The following DNM3 variants were observed in gnomAD, a reference collection of about 807,000 sequenced individuals.
DNM3 encodes the protein dynamin-3.
Under a neutral mutation model 101.6 loss-of-function variants are expected in DNM3, and 47 were observed. That is an observed-to-expected ratio of 0.46 (90% CI 0.37 to 0.59). DNM3 has a LOEUF of 0.59. DNM3 is among the 20% of genes least tolerant of loss of function. The probability of loss-of-function intolerance (pLI) is 0.00; values close to 1 mark genes in which losing one functional copy is unlikely to be tolerated. For missense variants in DNM3, 849 were observed against 1,085.7 expected, an observed-to-expected ratio of 0.78 and a Z score of 3.06; for synonymous variants, 385 against 387.9, an observed-to-expected ratio of 0.99 and a Z score of 0.09.
At chr1:171,968,030 G>C (rs1240344796) in intron 2 of DNM3, among the ~76,000 whole-genome samples, 1 of 152,140 alleles carries the variant, frequency 6.6e-6, no homozygotes, top group Non-Finnish European at 1.5e-5. Flanking sequence ...AGTGGGCACA[G>C]AGGAAGCCTT....
At chr1:172,063,603 C>T (rs2051418043) in intron 10 of DNM3, among the ~76,000 whole-genome samples, 1 of 151,408 alleles carries the variant, frequency 6.6e-6, no homozygotes, top group African/African-American at 2.4e-5. Flanking sequence ...TCCATTGAAT[C>T]TTCTTTATTA....
chr1:171,850,197 C>T (rs1481746410), intron 1 of DNM3, among the ~76,000 whole-genome samples: 1 of 152,182 alleles, frequency 6.6e-6, no homozygotes, highest in Non-Finnish European at 1.5e-5. Flanking sequence ...AAAAGAAGTA[C>T]CAACATTTTT....
chr1:172,126,872 C>T (rs2056652581), intron 13 of DNM3, among the ~76,000 whole-genome samples: 1 of 152,106 alleles, frequency 6.6e-6, no homozygotes, highest in Non-Finnish European at 1.5e-5. Flanking sequence ...AACATCGTTA[C>T]ACTTCTGTAC....
chr1:172,246,615 G>A (rs2061964594), intron 14 of DNM3, among the ~76,000 whole-genome samples: 1 of 152,146 alleles, frequency 6.6e-6, no homozygotes, highest in African/African-American at 2.4e-5. Context: ...AACGTTCTGT[G>A]TGGAAAATGA....
chr1:172,384,270 G>A (rs749426900), intron 18 of DNM3, among the ~76,000 whole-genome samples: 3 of 152,024 alleles, frequency 2.0e-5, no homozygotes, highest in South Asian at 2.1e-4. Context: ...TAACTATGTC[G>A]CTTGATACCT....
chr1:171,903,561 G>GA (rs2038561435), intron 1 of DNM3, among the ~76,000 whole-genome samples: 1 of 152,130 alleles, frequency 6.6e-6, no homozygotes, highest in Non-Finnish European at 1.5e-5. Context: ...TTTTACAAAG[G>GA]AAAGTACAGG....
At chr1:172,093,786 G>A (rs1401444080) in intron 13 of DNM3, 1 of 1,545,110 alleles carries the variant, frequency 6.5e-7, no homozygotes, top group African/African-American at 1.4e-5. Flanking sequence ...CAAGGGCACA[G>A]TTTGTCTTTA....
chr1:172,177,319 T>G (rs990127117), intron 14 of DNM3, among the ~76,000 whole-genome samples: 1 of 151,796 alleles, frequency 6.6e-6, no homozygotes, highest in Non-Finnish European at 1.5e-5. Context: ...TTGTTATTAT[T>G]GTTCTATTTT....
At position 172,408,507 on chromosome 1, in the gene DNM3, A is replaced by T. The variant is rs1177248379; in HGVS notation, c.*666A>T. 1.0e-6 allele frequency: 1 copy of T among 985,372 alleles called. No individual in the cohort carries two copies. Among genetic ancestry groups the T allele is most frequent in the East Asian group, 1.1e-4 (1 of 8,820 alleles). The allele number at this position is 985,372 out of a possible 1,614,324, so 61.0% of individuals were successfully genotyped here. A position where few individuals can be genotyped will look rare whatever the true frequency, so the allele number is the denominator to read the frequency against. ...CATGCTAGAAGCATATGCAACAGTG[A>T]ATAAAAGCTTCTTTTTTTGTTAATC... On this transcript the variant is annotated 3_prime_UTR_variant, in exon 21 of 21. Coordinates refer to ENST00000627582, the MANE Select transcript of DNM3 (RefSeq NM_015569.5).
At chr1:172,227,271 G>T (rs1573024692) in intron 14 of DNM3, among the ~76,000 whole-genome samples, 6 of 78,028 alleles carry the variant, frequency 7.7e-5, no homozygotes, top group Non-Finnish European at 1.5e-4. Context: ...AGTATTTTGT[G>T]ATATATATAT....
At chr1:172,248,514 A>C (rs2062043703) in intron 14 of DNM3, among the ~76,000 whole-genome samples, 1 of 152,178 alleles carries the variant, frequency 6.6e-6, no homozygotes, top group Non-Finnish European at 1.5e-5. Flanking sequence ...CGCCTATGAC[A>C]AAAATTGTGG....
At chr1:171,972,905 C>T (rs1253361233) in intron 2 of DNM3, among the ~76,000 whole-genome samples, 1 of 152,142 alleles carries the variant, frequency 6.6e-6, no homozygotes, top group East Asian at 1.9e-4. Context: ...ACCCCAGATT[C>T]CTGTGGGGAA....
At chr1:172,051,501 C>T (rs1377761302) in intron 10 of DNM3, among the ~76,000 whole-genome samples, 1 of 152,206 alleles carries the variant, frequency 6.6e-6, no homozygotes, top group Non-Finnish European at 1.5e-5. Context: ...ATCATAGTTT[C>T]ATGACTTCTG....
intron 15 of DNM3, among the ~76,000 whole-genome samples, chr1:172,292,679 G>T (rs2063979377): frequency 6.6e-6 from 1 of 151,940 alleles, no homozygotes; most frequent in Non-Finnish European, 1.5e-5. Flanking sequence ...AAGTATTGCG[G>T]TTTTTGCAAA....
chr1:172,183,351 A>G (rs1054638901), intron 14 of DNM3, among the ~76,000 whole-genome samples: 1 of 152,120 alleles, frequency 6.6e-6, no homozygotes, highest in Non-Finnish European at 1.5e-5. Context: ...AAAATATTCT[A>G]TATTATACAA....
At chr1:172,179,872 A>G (rs2059283071) in intron 14 of DNM3, among the ~76,000 whole-genome samples, 1 of 152,058 alleles carries the variant, frequency 6.6e-6, no homozygotes, top group Non-Finnish European at 1.5e-5. Flanking sequence ...GAGGTTAATT[A>G]GATTTTCGCC....
At chr1:172,255,328 C>A (rs1450898271) in intron 15 of DNM3, among the ~76,000 whole-genome samples, 3 of 152,098 alleles carry the variant, frequency 2.0e-5, no homozygotes, top group Non-Finnish European at 4.4e-5. Flanking sequence ...AGTTTACATG[C>A]CTTCATCAGA....
intron 1 of DNM3, among the ~76,000 whole-genome samples, chr1:171,910,193 C>T (rs2039180427): frequency 1.3e-5 from 2 of 152,328 alleles, no homozygotes; most frequent in Middle Eastern, 3.4e-3. Context: ...CTTTTCATAA[C>T]ACCCTAAAAT....
At chr1:171,882,047 G>A (rs1219900763) in intron 1 of DNM3, among the ~76,000 whole-genome samples, 1 of 152,052 alleles carries the variant, frequency 6.6e-6, no homozygotes, top group Non-Finnish European at 1.5e-5. Flanking sequence ...TGCAAGAAGA[G>A]TATTAAAACC....
Sources: allele counts gnomAD v4.1 joint callset (sites outside exome capture counted in the v4.1 genomes callset), GRCh38; gene constraint gnomAD v4.1.1; transcripts MANE v1.5; gene names NCBI Gene and HGNC (gene_info 2026-07-23, HGNC 2026-07-21).